Variants in CACNA1C observed in about 807,000 individuals in gnomAD.
CACNA1C encodes the protein voltage-dependent L-type calcium channel subunit alpha-1C.
Under a neutral mutation model 229.0 loss-of-function variants are expected in CACNA1C, and 30 were observed. That is an observed-to-expected ratio of 0.13 (90% CI 0.10 to 0.18). The LOEUF (loss-of-function observed/expected upper bound fraction) is 0.18. Ranked by LOEUF, CACNA1C falls within the 10% of genes least tolerant of loss-of-function variation. The probability of loss-of-function intolerance (pLI) is 1.00; values close to 1 mark genes in which losing one functional copy is unlikely to be tolerated. For missense variants in CACNA1C, 1,658 were observed against 2,845.0 expected, an observed-to-expected ratio of 0.58 and a Z score of 9.49; for synonymous variants, 1,114 against 1,132.5, an observed-to-expected ratio of 0.98 and a Z score of 0.33.
chr12:2,055,319 G>T (rs1266105734), intron 1 of CACNA1C, among the ~76,000 whole-genome samples: 1 of 152,192 alleles, frequency 6.6e-6, no homozygotes, highest in South Asian at 2.1e-4. Flanking sequence ...CTGAGACTGC[G>T]TGCTTTACCC....
intron 3 of CACNA1C, among the ~76,000 whole-genome samples, chr12:2,367,506 TATTATTAA>T (rs2097756401): frequency 6.6e-6 from 1 of 152,206 alleles, no homozygotes; most frequent in African/African-American, 2.4e-5. Flanking sequence ...TAAACACTCT[TATTATTAA>T]AAGTATAAGA....
intron 3 of CACNA1C, among the ~76,000 whole-genome samples, chr12:2,138,474 C>T (rs1224121706): frequency 6.6e-6 from 1 of 151,084 alleles, no homozygotes; most frequent in African/African-American, 2.4e-5. Context: ...CAGTTGGGCA[C>T]GGTTGATAGG....
chr12:2,499,636 C>T (rs1221385772), intron 7 of CACNA1C, among the ~76,000 whole-genome samples: 1 of 152,126 alleles, frequency 6.6e-6, no homozygotes, highest in Non-Finnish European at 1.5e-5. Context: ...CTGTTTCAGC[C>T]AAGGCAGGGG....
chr12:2,617,686 T>G (rs1445233166), intron 29 of CACNA1C, among the ~76,000 whole-genome samples: 3 of 152,182 alleles, frequency 2.0e-5, no homozygotes, highest in Admixed American at 6.5e-5. Context: ...GAGAAATCTT[T>G]GGGGATACCC....
In CACNA1C at chr12:2,646,117, A is replaced by C. The variant is rs2094329232; in HGVS notation, c.3913-2358A>C. The stretch of plus-strand genomic sequence containing the variant: ...TATCAAGATTATCTGAACAGATCCA[A>C]AGTCAAGTCTTGAAGTGAAATATGA... On this transcript the variant is annotated intron_variant, in intron 30 of 46. Coordinates refer to ENST00000399655, the MANE Select transcript of CACNA1C (RefSeq NM_000719.7). The surrounding 1 kb of genome is among the most constrained non-coding windows in gnomAD (Gnocchi z 4.6). Among the ~76,000 whole-genome samples the C allele has an allele frequency of 2.0e-5, 3 of 152,242 alleles. No homozygotes were observed. In the South Asian group the frequency reaches 6.2e-4, roughly 32 times the overall value.
Position 2,648,488 on chromosome 12 carries a change from C to A in CACNA1C, c.3926C>A (p.Thr1309Asn), listed in dbSNP as rs2094568640. Residue 1309 changes from threonine to asparagine, a missense_variant, in exon 31 of 47, where the codon ACC becomes AAC. Thr to Asn is a moderately conservative substitution (Grantham distance 65). This residue lies in a region of CACNA1C where 38 missense variants were observed against 53.3 expected (regional missense o/e 0.71). Coordinates refer to ENST00000399655, the MANE Select transcript of CACNA1C (RefSeq NM_000719.7). ...AITEVNPAEH[T>N]QCSPSMNAEE... ...CTTTCTTTAAAGCCAGCTGAACATACCCAATGCTCTCCCTCTATGGTAAGA... is the reference window on the plus strand; with the variant it reads ...CTTTCTTTAAAGCCAGCTGAACATAACCAATGCTCTCCCTCTATGGTAAGA... The A allele has an allele frequency of 6.2e-7, 1 of 1,613,914 alleles. No individual in the cohort carries two copies. The highest frequency in any genetic ancestry group is 1.1e-5 in the South Asian group (1 of 91,082).
At chr12:2,004,078 A>C in intron 1 of CACNA1C, 2 of 695,312 alleles carry the variant, frequency 2.9e-6, no homozygotes, top group Admixed American at 2.9e-5. Flanking sequence ...CTTTTCCCCA[A>C]CTCCAGGTAG....
chr12:2,305,819 G>T (rs1286233753), intron 3 of CACNA1C, among the ~76,000 whole-genome samples: 1 of 152,188 alleles, frequency 6.6e-6, no homozygotes, highest in African/African-American at 2.4e-5. Flanking sequence ...TGCCACCCTG[G>T]GTGACATAGC....
rs215984 is a variant in CACNA1C at position 2,597,746 on chromosome 12, C to T, written c.2853+457C>T. 0.18 allele frequency among the ~76,000 whole-genome samples: 27,678 copies of T among 152,120 alleles called. 2,626 individuals are homozygous for T. The highest frequency in any genetic ancestry group is 0.3 in the East Asian group (1,545 of 5,152). ...AGCAGTCCGTGGCCTGGAAGGGACA[C>T]GTGTTGGCTGTGCCAACATTAAGGC... is the stretch of plus-strand genomic sequence containing the variant. On this transcript the variant is annotated intron_variant, in intron 21 of 46. Coordinates refer to ENST00000399655, the MANE Select transcript of CACNA1C (RefSeq NM_000719.7). This position sits in a 1 kb window ranked among gnomAD's most constrained non-coding sequence, Gnocchi z 4.3.
At chr12:2,258,284 C>T (rs925961656) in intron 3 of CACNA1C, among the ~76,000 whole-genome samples, 1 of 152,190 alleles carries the variant, frequency 6.6e-6, no homozygotes, top group Non-Finnish European at 1.5e-5. Flanking sequence ...TAATTCCCTT[C>T]TTCAGTTTAA....
intron 9 of CACNA1C, among the ~76,000 whole-genome samples, chr12:2,543,905 T>A (rs2099876553): frequency 6.6e-6 from 1 of 152,192 alleles, no homozygotes; most frequent in Admixed American, 6.5e-5. Flanking sequence ...GGCGTCAATG[T>A]TCTGGACTCT....
At chr12:2,155,174 T>C (rs2095495709) in intron 3 of CACNA1C, among the ~76,000 whole-genome samples, 1 of 152,134 alleles carries the variant, frequency 6.6e-6, no homozygotes, top group Admixed American at 6.5e-5. Context: ...ATGGGCGTTG[T>C]TTTGCGTGGA....
intron 11 of CACNA1C, among the ~76,000 whole-genome samples, chr12:2,564,331 A>T (rs2049126125): frequency 6.6e-6 from 1 of 151,808 alleles, no homozygotes; most frequent in African/African-American, 2.4e-5. Context: ...GAGGTTTGAA[A>T]CCTCTGCCCA....
At chr12:2,332,395 G>T (rs2096573756) in intron 3 of CACNA1C, among the ~76,000 whole-genome samples, 1 of 152,180 alleles carries the variant, frequency 6.6e-6, no homozygotes, top group Non-Finnish European at 1.5e-5. Context: ...TATTTTGCTT[G>T]TTGATGAATA....
At chr12:2,249,055 A>G (rs939849837) in intron 3 of CACNA1C, among the ~76,000 whole-genome samples, 2 of 152,188 alleles carry the variant, frequency 1.3e-5, no homozygotes, top group African/African-American at 4.8e-5. Flanking sequence ...TTTCATTTCT[A>G]GCGTTCTGAA....
chr12:1,987,502 C>T (rs1480732748), intron 1 of CACNA1C, among the ~76,000 whole-genome samples: 1 of 152,014 alleles, frequency 6.6e-6, no homozygotes, highest in Admixed American at 6.6e-5. Flanking sequence ...GCAAATAGAA[C>T]CCTTCTCTAG....
At chr12:2,388,170 A>G (rs991253030) in intron 3 of CACNA1C, among the ~76,000 whole-genome samples, 1 of 152,254 alleles carries the variant, frequency 6.6e-6, no homozygotes, top group Non-Finnish European at 1.5e-5. Context: ...CAAAGTATAC[A>G]GAGTTTCTGT....
In CACNA1C at chr12:2,633,839, G is replaced by A. The variant is rs1039336569; in HGVS notation, c.3829-458G>A. 18 of 632,742 alleles carry A rather than the reference G, an allele frequency of 2.8e-5. No individual in the cohort carries two copies. The highest frequency in any genetic ancestry group is 1.3e-4 in the African/African-American group (7 of 52,678). The allele number at this position is 632,742 out of a possible 1,614,324, so 39.2% of individuals were successfully genotyped here. A position where few individuals can be genotyped will look rare whatever the true frequency, so the allele number is the denominator to read the frequency against. On this transcript the variant is annotated intron_variant, in intron 29 of 46. Coordinates refer to ENST00000399655, the MANE Select transcript of CACNA1C (RefSeq NM_000719.7). This position sits in a 1 kb window ranked among gnomAD's most constrained non-coding sequence, Gnocchi z 5.8. ...TTTTTTTAATTTCCTGTTTTTACCC[G>A]CCTCCAGTCATGCCTTTTATTGAAC... is the stretch of plus-strand genomic sequence containing the variant.
At chr12:2,293,079 GA>G (rs2093673759) in intron 3 of CACNA1C, among the ~76,000 whole-genome samples, 1 of 152,126 alleles carries the variant, frequency 6.6e-6, no homozygotes, top group African/African-American at 2.4e-5. Context: ...TGTTCACGGG[GA>G]ATCTTGTAAA....
Sources: allele counts gnomAD v4.1 joint callset (sites outside exome capture counted in the v4.1 genomes callset), GRCh38; gene constraint gnomAD v4.1.1; regional missense constraint gnomAD v4.1.1; non-coding constraint Gnocchi (gnomAD v3.1); transcripts MANE v1.5; gene names NCBI Gene and HGNC (gene_info 2026-07-23, HGNC 2026-07-21).